Variants in SBF2 observed in about 807,000 individuals in gnomAD.
SBF2 encodes the protein myotubularin-related protein 13.
SBF2 carries 112 observed loss-of-function variants against 225.2 expected under a neutral mutation model. The observed-to-expected ratio is 0.50, with a 90% CI of 0.43 to 0.58. SBF2 has a LOEUF of 0.58. Among genes scored for constraint, SBF2 ranks in the 20% least tolerant of loss-of-function variants. SBF2 has a pLI of 0.00. For synonymous variants in SBF2, 763 were observed against 773.3 expected (o/e 0.99, Z 0.22); for missense variants, 1,996 against 2,206.2 (o/e 0.90, Z 1.91).
chr11:9,863,086 T>A (rs1192865101), intron 17 of SBF2, among the ~76,000 whole-genome samples: 2 of 138,452 alleles, frequency 1.4e-5, no homozygotes, highest in East Asian at 3.9e-4. Flanking sequence ...TCCTTCTTTA[T>A]CTAGAAAAAA....
intron 16 of SBF2, among the ~76,000 whole-genome samples, chr11:9,899,975 G>C (rs1274222045): frequency 6.6e-6 from 1 of 151,480 alleles, no homozygotes; most frequent in African/African-American, 2.4e-5. Context: ...TGTTACTTGG[G>C]GGGAATTGGG....
chr11:10,026,353 G>C (rs1949054444), intron 6 of SBF2, among the ~76,000 whole-genome samples: 1 of 152,152 alleles, frequency 6.6e-6, no homozygotes, highest in African/African-American at 2.4e-5. Flanking sequence ...AAAAAGGTCA[G>C]GTGAATGGTT....
Position 9,850,159 on chromosome 11 carries a change from T to A in SBF2, c.2670A>T (p.Arg890=). The change falls in exon 22 of 40, where the codon CGA becomes CGT. Residue 890 remains arginine, a synonymous_variant. Coordinates refer to ENST00000256190, the MANE Select transcript of SBF2 (RefSeq NM_030962.4). The part of the protein sequence containing the change: ...PGEEIVCEGL[R]VLLDPDGREE... Reference sequence around the variant, plus strand: ...CTCTTCCATCAGGATCCAGCAAGACTCGAAGACCCTCACAGACAATTTCTT... The same window carrying A: ...CTCTTCCATCAGGATCCAGCAAGACACGAAGACCCTCACAGACAATTTCTT... 1 of 1,614,066 alleles carries A rather than the reference T, an allele frequency of 6.2e-7. No homozygotes were observed. Among genetic ancestry groups the A allele is most frequent in the East Asian group, 2.2e-5 (1 of 44,884 alleles).
At chr11:9,893,667 G>T (rs989859558) in intron 17 of SBF2, among the ~76,000 whole-genome samples, 1 of 152,006 alleles carries the variant, frequency 6.6e-6, no homozygotes, top group Non-Finnish European at 1.5e-5. Flanking sequence ...CATCCTAGTG[G>T]GGGGCTTCCT....
chr11:9,930,088 G>A (rs935660038), intron 16 of SBF2, among the ~76,000 whole-genome samples: 16 of 151,810 alleles, frequency 1.1e-4, no homozygotes, highest in Admixed American at 6.6e-5. Flanking sequence ...AACAACCATG[G>A]CACACGTTTA....
At chr11:10,171,216 T>C (rs1956172149) in intron 2 of SBF2, among the ~76,000 whole-genome samples, 6 of 152,174 alleles carry the variant, frequency 3.9e-5, no homozygotes. Flanking sequence ...TGTCACCTTC[T>C]AGATATTAGA....
At chr11:10,081,050 T>C (rs1474869365) in intron 2 of SBF2, among the ~76,000 whole-genome samples, 1 of 151,764 alleles carries the variant, frequency 6.6e-6, no homozygotes, top group Non-Finnish European at 1.5e-5. Flanking sequence ...CTACGCAGAG[T>C]ATCATGACAG....
intron 16 of SBF2, among the ~76,000 whole-genome samples, chr11:9,904,660 T>C (rs1861985640): frequency 6.6e-6 from 1 of 152,226 alleles, no homozygotes; most frequent in African/African-American, 2.4e-5. Context: ...TAATGGACAC[T>C]GCACTTTCTA....
At chr11:10,033,039 A>G (rs1330104152) in intron 3 of SBF2, among the ~76,000 whole-genome samples, 5 of 152,240 alleles carry the variant, frequency 3.3e-5, no homozygotes, top group African/African-American at 1.2e-4. Context: ...TATGTATGAT[A>G]GAGTCCATAT....
At chr11:10,299,586 A>G (rs940931304) in intron 1 of SBF2, among the ~76,000 whole-genome samples, 1 of 152,220 alleles carries the variant, frequency 6.6e-6, no homozygotes, top group African/African-American at 2.4e-5. Flanking sequence ...ATGTTGGAGA[A>G]TTTCAAAACA....
intron 16 of SBF2, among the ~76,000 whole-genome samples, chr11:9,928,003 G>A (rs1864184562): frequency 1.8e-5 from 1 of 54,768 alleles, no homozygotes; most frequent in African/African-American, 9.7e-5. Flanking sequence ...TAAACATTTA[G>A]CATTTTTAAA....
At chr11:10,215,938 A>C (rs1286987185) in intron 1 of SBF2, among the ~76,000 whole-genome samples, 1 of 152,232 alleles carries the variant, frequency 6.6e-6, no homozygotes, top group Non-Finnish European at 1.5e-5. Flanking sequence ...CTCCCCAAGT[A>C]AGTCAGGTCC....
intron 1 of SBF2, among the ~76,000 whole-genome samples, chr11:10,275,407 G>A (rs575277048): frequency 6.6e-5 from 10 of 152,224 alleles, no homozygotes; most frequent in East Asian, 3.9e-4. Flanking sequence ...GCATCTTGAC[G>A]GGTATGACAC....
intron 2 of SBF2, among the ~76,000 whole-genome samples, chr11:10,116,300 A>T (rs1953134795): frequency 6.6e-6 from 1 of 152,216 alleles, no homozygotes; most frequent in South Asian, 2.1e-4. Flanking sequence ...TAAAAAGATT[A>T]TACTGTGATA....
chr11:10,137,393 G>A (rs1954428230), intron 2 of SBF2, among the ~76,000 whole-genome samples: 1 of 152,086 alleles, frequency 6.6e-6, no homozygotes, highest in Non-Finnish European at 1.5e-5. Flanking sequence ...TTATTTCCTT[G>A]TTTTGTGGTA....
At chr11:9,988,791 T>C (rs758452871) in intron 13 of SBF2, among the ~76,000 whole-genome samples, 2 of 152,188 alleles carry the variant, frequency 1.3e-5, no homozygotes, top group Admixed American at 1.3e-4. Flanking sequence ...GGAACACTTC[T>C]ACACTGCTGT....
chr11:10,002,395 A>C (rs1472932929), intron 7 of SBF2, among the ~76,000 whole-genome samples, 162 bp downstream of exon 7: 1 of 152,202 alleles, frequency 6.6e-6, no homozygotes, highest in Non-Finnish European at 1.5e-5. Flanking sequence ...GAAAGTCTCA[A>C]ATTCTAGACT....
chr11:10,231,031 ACTTCT>A (rs1958818603), intron 1 of SBF2, among the ~76,000 whole-genome samples: 1 of 151,494 alleles, frequency 6.6e-6, no homozygotes, highest in Non-Finnish European at 1.5e-5. Flanking sequence ...TTTTCTCTAA[ACTTCT>A]CTTCTTGCTT....
chr11:9,937,812 T>C (rs1864989763), intron 16 of SBF2, among the ~76,000 whole-genome samples: 2 of 152,116 alleles, frequency 1.3e-5, no homozygotes, highest in South Asian at 4.1e-4. Context: ...TGATTTATTA[T>C]AGCAAAAAAG....
Sources: allele counts gnomAD v4.1 joint callset (sites outside exome capture counted in the v4.1 genomes callset), GRCh38; gene constraint gnomAD v4.1.1; transcripts MANE v1.5; gene names NCBI Gene and HGNC (gene_info 2026-07-23, HGNC 2026-07-21).